PHRF1: variants seen among roughly 807,000 people sequenced by gnomAD.
PHRF1 encodes PHD and RING finger domain-containing protein 1.
PHRF1 carries 53 observed loss-of-function variants against 128.9 expected under a neutral mutation model. The observed-to-expected ratio is 0.41, with a 90% CI of 0.33 to 0.52. The LOEUF (loss-of-function observed/expected upper bound fraction) is 0.52. Ranked by LOEUF, PHRF1 falls within the 20% of genes least tolerant of loss-of-function variation. The pLI is 0.21. For missense variants in PHRF1, 2,503 were observed against 2,284.5 expected (o/e 1.10, Z -1.95); for synonymous variants, 1,178 against 980.6 (o/e 1.20, Z -3.76).
chr11:605,776 G>C, intron 12 of PHRF1, 52 bp downstream of exon 12: 1 of 1,558,754 alleles, frequency 6.4e-7, no homozygotes. Context: ...TTGGGCATCG[G>C]ATGGGAGTTC....
Position 582,148 on chromosome 11 carries a change from AAC to A in PHRF1, c.214+71_214+72del, listed in dbSNP as rs1564838281. On this transcript the variant is annotated intron_variant, in intron 3 of 17. Transcript: ENST00000264555. ...TGTCGTGATGGGGACAGCCTTTTAT[AAC>A]ACATCCTCCGTGAGAGTGCTGTCAC... 3.2e-6 allele frequency: 5 copies of A among 1,546,092 alleles called. No individual in the cohort carries two copies. In the East Asian group the frequency reaches 7.4e-5, roughly 23 times the overall value.
At position 597,650 on chromosome 11, in the gene PHRF1, G is replaced by A. The variant is rs1855375113; in HGVS notation, c.894+80G>A. ...TCGGCAGTCTGGGTGGGTGGGAGGG[G>A]CGTCGTCGGCACTGTGGGGTCCGCC... On this transcript the variant is annotated intron_variant, in intron 8 of 17. Coordinates refer to ENST00000264555, the MANE Select transcript of PHRF1 (RefSeq NM_001286581.2). This position sits in a 1 kb window ranked among gnomAD's most constrained non-coding sequence, Gnocchi z 6.5. The A allele has an allele frequency of 1.3e-6, 2 of 1,482,600 alleles. No individual in the cohort carries two copies. 91.8% of individuals were successfully genotyped at this position (1,482,600 alleles called of 1,614,324 possible). A position where few individuals can be genotyped will look rare whatever the true frequency, so the allele number is the denominator to read the frequency against.
At position 581,948 on chromosome 11, in the gene PHRF1, AC is replaced by A; in HGVS notation, c.95-11del. The A allele has an allele frequency of 6.3e-7, 1 of 1,581,670 alleles. No homozygotes were observed. The highest frequency in any genetic ancestry group is 1.3e-5 in the African/African-American group (1 of 74,206). On this transcript the variant is annotated splice_polypyrimidine_tract_variant and intron_variant, in intron 2 of 17. Transcript: ENST00000264555. ...GACGCCGCCCTGCGGCCTGTGTCTC[AC>A]CCTGGTGTCTAGAAGAAAGCAGCGT...
chr11:610,639 GCCCCAGTGCCCGCTGCCCTGA>G lies in PHRF1; in HGVS notation c.4562_4582del (p.Val1521_Pro1527del), dbSNP rs1325227558. On this transcript the variant is annotated inframe_deletion, in exon 16 of 18. Transcript: ENST00000264555. ...GGGCTGTGGGGCAGCACAGACCCTG[GCCCCAGTGCCCGCTGCCCTGA>G]CCCCAGCCTCAGAGCCAGCCAGTCA... 2 of 1,604,808 alleles carry G rather than the reference GCCCCAGTGCCCGCTGCCCTGA, an allele frequency of 1.2e-6. No individual in the cohort carries two copies. The highest frequency in any genetic ancestry group is 2.7e-5 in the African/African-American group (2 of 74,930).
intron 4 of PHRF1, among the ~76,000 whole-genome samples, chr11:587,851 G>T (rs998282828): frequency 1.3e-5 from 2 of 152,192 alleles, no homozygotes; most frequent in African/African-American, 4.8e-5. Context: ...ACACCGGTAC[G>T]ATTTGGCATT....
intron 1 of PHRF1, 95 bp from the exon 2 acceptor site, chr11:581,397 C>T (rs955157048): frequency 2.0e-5 from 20 of 993,146 alleles, no homozygotes; most frequent in African/African-American, 1.5e-4. Context: ...GGATGTGACA[C>T]GGGGATGTGG....
chr11:584,083 C>T (rs1490834718), intron 3 of PHRF1, among the ~76,000 whole-genome samples: 4 of 152,220 alleles, frequency 2.6e-5, no homozygotes, highest in African/African-American at 7.2e-5. Context: ...GGGAATGGCA[C>T]TCATGGCCTG....
At chr11:584,425 A>T (rs970317169) in intron 3 of PHRF1, among the ~76,000 whole-genome samples, 12 of 152,150 alleles carry the variant, frequency 7.9e-5, no homozygotes, top group Admixed American at 7.9e-4. Flanking sequence ...AGCAGCAAAC[A>T]GTGCGCCAAG....
intron 8 of PHRF1, among the ~76,000 whole-genome samples, chr11:598,043 G>A (rs1260241955): frequency 6.6e-6 from 1 of 152,134 alleles, no homozygotes; most frequent in Non-Finnish European, 1.5e-5. Context: ...CGCTGAATTT[G>A]GAGTGGACTG....
intron 4 of PHRF1, among the ~76,000 whole-genome samples, chr11:590,379 G>A (rs1854895536): frequency 6.6e-6 from 1 of 152,218 alleles, no homozygotes; most frequent in Non-Finnish European, 1.5e-5. Context: ...TGTCTCTTCA[G>A]TGCTAGGGAG....
At position 597,131 on chromosome 11, in the gene PHRF1, C is replaced by T; in HGVS notation, c.718+111C>T. The T allele has an allele frequency of 8.3e-7, 1 of 1,197,840 alleles. No individual in the cohort carries two copies. Among genetic ancestry groups the T allele is most frequent in the South Asian group, 1.4e-5 (1 of 72,002 alleles). The allele number at this position is 1,197,840 out of a possible 1,614,324, so 74.2% of individuals were successfully genotyped here. ...GTGGGGAGGACATCTAGGGCTGTCT[C>T]ATGGGGGTTAGGGTTGGCTGCGGTG... On this transcript the variant is annotated intron_variant, in intron 7 of 17. Coordinates refer to ENST00000264555, the MANE Select transcript of PHRF1 (RefSeq NM_001286581.2). This position sits in a 1 kb window ranked among gnomAD's most constrained non-coding sequence, Gnocchi z 6.5.
rs533807490 is a variant in PHRF1, at chr11:611,841, C to T, written c.*64C>T. The T allele has an allele frequency of 1.9e-5, 29 of 1,528,146 alleles. No individual in the cohort carries two copies. The Admixed American group carries it at 4.8e-4, about 25-fold the overall frequency. The allele number at this position is 1,528,146 out of a possible 1,614,324, so 94.7% of individuals were successfully genotyped here. ...GAGTGGCGGGAATCGGGGCCATGCC[C>T]GGGGAGCTGTCGGGAGTGGCGGGAA... On this transcript the variant is annotated 3_prime_UTR_variant, in exon 18 of 18. Coordinates refer to ENST00000264555, the MANE Select transcript of PHRF1 (RefSeq NM_001286581.2).
At chr11:596,070 A>T (rs1478737812) in intron 6 of PHRF1, among the ~76,000 whole-genome samples, 2 of 152,210 alleles carry the variant, frequency 1.3e-5, no homozygotes, top group Non-Finnish European at 2.9e-5. Context: ...CTCGTATCTT[A>T]GATCCTAGAA....
At chr11:577,354 T>C (rs11246195) in intron 1 of PHRF1, among the ~76,000 whole-genome samples, 9,503 of 152,322 alleles carry the variant, frequency 0.062, 411 homozygotes, top group African/African-American at 0.12. Context: ...TTTACTTGTT[T>C]CGACAACAGC....
intron 4 of PHRF1, among the ~76,000 whole-genome samples, chr11:589,564 T>C (rs4963128): frequency 0.65 from 97,889 of 151,592 alleles, 32,046 homozygotes; most frequent in East Asian, 0.93. Context: ...AGAAGAGGCC[T>C]GGACACACTC....
intron 6 of PHRF1, among the ~76,000 whole-genome samples, 189 bp downstream of exon 6, chr11:592,863 C>T (rs1000077051): frequency 6.6e-6 from 1 of 152,224 alleles, no homozygotes; most frequent in Non-Finnish European, 1.5e-5. Context: ...TCAGTCTTTC[C>T]CCAAAAAACA....
rs138408584 is a variant in PHRF1, at chr11:607,394, G to C, written c.1938G>C (p.Ala646=). 2.9e-3 allele frequency: 4,643 copies of C among 1,612,806 alleles called. 39 individuals carry two copies. The highest frequency in any genetic ancestry group is 0.027 in the Middle Eastern group (161 of 6,062). The change falls in exon 14 of 18, where the codon GCG becomes GCC. Residue 646 remains alanine, a synonymous_variant. Transcript: ENST00000264555. ...NKHTLPLASA[A]SKISSRDSKP... ...ACACCTTGCCCCTTGCCTCTGCCGC[G>C]TCTAAGATCTCAAGCAGAGATTCTA...
rs2134143518 is a variant in PHRF1 at position 576,682 on chromosome 11, C to A, written c.-22+90C>A. On this transcript the variant is annotated intron_variant, in intron 1 of 17. Coordinates refer to ENST00000264555, the MANE Select transcript of PHRF1 (RefSeq NM_001286581.2). ...CGCCACGCGCTTTGTCTGCGGCCTG[C>A]ACCGCGGGGCGAGGCCTGCGCCGCG... 1.4e-5 allele frequency: 2 copies of A among 147,906 alleles called. 1 individual carries two copies. Among genetic ancestry groups the A allele is most frequent in the African/African-American group, 4.9e-5 (2 of 40,976 alleles). The allele number at this position is 147,906 out of a possible 1,614,324, so 9.2% of individuals were successfully genotyped here.
rs1417004471 is a variant in PHRF1 at position 608,865 on chromosome 11, C to G, written c.3409C>G (p.His1137Asp). The change falls in exon 14 of 18, where the codon CAT (histidine) becomes GAT (aspartate). Residue 1137 changes from histidine to aspartate, a missense_variant. Physicochemically the swap from His to Asp is moderately conservative, Grantham distance 81 (BLOSUM62 -1). Coordinates refer to ENST00000264555, the MANE Select transcript of PHRF1 (RefSeq NM_001286581.2). ...CCTGGAGAGGCTCTGCAGGCACAAG[C>G]ATCAGCGGGAACGCAGCCACGAGCG... ...SSLERLCRHK[H>D]QRERSHERPD... 1 of 1,612,334 alleles carries G rather than the reference C, an allele frequency of 6.2e-7. No individual in the cohort carries two copies. The highest frequency in any genetic ancestry group is 8.5e-7 in the Non-Finnish European group (1 of 1,179,818).
Sources: gnomAD v4.1 joint callset for allele counts (sites outside exome capture counted in the v4.1 genomes callset) on GRCh38, gnomAD v4.1.1 for gene constraint, Gnocchi (gnomAD v3.1) non-coding constraint, MANE v1.5 for transcripts, NCBI Gene and HGNC (gene_info 2026-07-23, HGNC 2026-07-21) for gene names.